Variants in MYO3A observed in about 807,000 individuals in gnomAD.
MYO3A encodes the protein myosin IIIA, also known as myosin-IIIa.
Under a neutral mutation model 192.7 loss-of-function variants are expected in MYO3A, and 180 were observed. The ratio of observed to expected loss-of-function variants is 0.93; its 90% CI spans 0.83 to 1.06. MYO3A has a LOEUF of 1.06. MYO3A is among the 50% of genes least tolerant of loss of function. MYO3A has a pLI of 0.00. For synonymous variants in MYO3A, 628 were observed against 645.3 expected, an observed-to-expected ratio of 0.97 and a Z score of 0.41; for missense variants, 1,896 against 1,905.0, an observed-to-expected ratio of 1.00 and a Z score of 0.09.
At position 26,131,345 on chromosome 10, in the gene MYO3A, A is replaced by G. The variant is rs959749860; in HGVS notation, c.2262+2807A>G. On this transcript the variant is annotated intron_variant, in intron 20 of 34. Coordinates refer to ENST00000642920, the MANE Select transcript of MYO3A (RefSeq NM_017433.5). ...TAAAAAAAGATCAAGAAACTACAGT[A>G]AAACATTTTTTTGTGAAAGAATTTA... Among the ~76,000 whole-genome samples the G allele has an allele frequency of 5.5e-4, 47 of 85,244 alleles. 1 individual carries two copies. Among genetic ancestry groups the G allele is most frequent in the Admixed American group, 2.4e-3 (22 of 9,206 alleles). 55.9% of individuals were successfully genotyped at this position (85,244 alleles called of 152,430 possible).
intron 14 of MYO3A, 24 bp from the exon 15 acceptor site, chr10:26,088,179 A>T: frequency 6.6e-7 from 1 of 1,520,780 alleles, no homozygotes; most frequent in Non-Finnish European, 8.9e-7. Context: ...TGTTTTTAAA[A>T]ATATCTTAAT....
chr10:26,017,643 T>C (rs1349275125), intron 7 of MYO3A, among the ~76,000 whole-genome samples: 1 of 152,000 alleles, frequency 6.6e-6, no homozygotes, highest in African/African-American at 2.4e-5. Flanking sequence ...GTATGCTGTT[T>C]TTATTTGAAT....
chr10:26,165,335 C>T (rs1028431931), intron 26 of MYO3A, among the ~76,000 whole-genome samples: 4 of 152,064 alleles, frequency 2.6e-5, no homozygotes, highest in Admixed American at 6.6e-5. Flanking sequence ...AATCTTGCAC[C>T]AATAAATTAA....
chr10:25,993,676 T>G (rs1197885084), intron 4 of MYO3A, among the ~76,000 whole-genome samples: 2 of 152,260 alleles, frequency 1.3e-5, no homozygotes, highest in African/African-American at 4.8e-5. Context: ...CTCTACACAC[T>G]GCTTTAAATG....
intron 11 of MYO3A, 90 bp downstream of exon 11, chr10:26,067,164 T>A (rs938460393): frequency 8.3e-6 from 7 of 840,566 alleles, no homozygotes; most frequent in Middle Eastern, 4.6e-4. Context: ...GGAAGGAATA[T>A]ATAGATTATG....
chr10:26,202,081 TCTC>T (rs1319115537), intron 33 of MYO3A, among the ~76,000 whole-genome samples: 1 of 152,228 alleles, frequency 6.6e-6, no homozygotes, highest in Non-Finnish European at 1.5e-5. Flanking sequence ...TTCACATTAT[TCTC>T]CTTTTCTTAT....
intron 23 of MYO3A, among the ~76,000 whole-genome samples, chr10:26,152,891 A>G (rs1840881609): frequency 6.6e-6 from 1 of 152,058 alleles, no homozygotes; most frequent in African/African-American, 2.4e-5. Flanking sequence ...TGCCAGGCAC[A>G]CTCCCATCAT....
At chr10:26,203,320 ATCTGT>A (rs1843763125) in intron 34 of MYO3A, among the ~76,000 whole-genome samples, 1 of 152,122 alleles carries the variant, frequency 6.6e-6, no homozygotes, top group Admixed American at 6.6e-5. Flanking sequence ...CTGAGTTTTT[ATCTGT>A]TTTCTTGGAG....
chr10:25,996,918 C>T (rs1302336208), intron 5 of MYO3A, among the ~76,000 whole-genome samples: 2 of 152,106 alleles, frequency 1.3e-5, no homozygotes, highest in African/African-American at 2.4e-5. Context: ...CATTGAAACT[C>T]ACACATTTGT....
At position 25,951,224 on chromosome 10, in the gene MYO3A, T is replaced by C. The variant is rs149784251; in HGVS notation, c.-17-870T>C. ...GTGATATTATTGATAATATTGATAA[T>C]GATATCAATAAATGGTCTCATTGGC... is the stretch of plus-strand genomic sequence containing the variant. On this transcript the variant is annotated intron_variant, in intron 2 of 34. Coordinates refer to ENST00000642920, the MANE Select transcript of MYO3A (RefSeq NM_017433.5). Among the ~76,000 whole-genome samples the C allele has an allele frequency of 2.1e-3, 324 of 152,270 alleles. 2 individuals carry two copies. The highest frequency in any genetic ancestry group is 7.5e-3 in the African/African-American group (313 of 41,540).
intron 10 of MYO3A, among the ~76,000 whole-genome samples, chr10:26,062,605 A>C (rs1401809383): frequency 1.3e-5 from 2 of 151,420 alleles, no homozygotes; most frequent in African/African-American, 4.9e-5. Flanking sequence ...ACTTTTTTTT[A>C]ATATCAGAAA....
intron 23 of MYO3A, 55 bp from the exon 24 acceptor site, chr10:26,153,795 C>G: frequency 8.7e-7 from 1 of 1,151,256 alleles, no homozygotes; most frequent in Non-Finnish European, 1.3e-6. Context: ...TGGGAAAAAT[C>G]ATCTAGCCAT....
At chr10:26,150,222 A>G (rs1375156312) in intron 23 of MYO3A, among the ~76,000 whole-genome samples, 1 of 152,158 alleles carries the variant, frequency 6.6e-6, no homozygotes, top group East Asian at 1.9e-4. Context: ...CTTTTTATAT[A>G]TTGCTGAATT....
chr10:26,120,554 C>G (rs552784157), intron 17 of MYO3A, 122 bp from the exon 18 acceptor site: 7 of 1,307,810 alleles, frequency 5.4e-6, no homozygotes, highest in South Asian at 3.6e-5. Flanking sequence ...GTGGCGTCAT[C>G]ATAGTCTGTG....
intron 4 of MYO3A, among the ~76,000 whole-genome samples, chr10:25,957,038 A>C (rs930653327): frequency 5.9e-5 from 9 of 152,182 alleles, no homozygotes; most frequent in Non-Finnish European, 1.2e-4. Context: ...GGCTCCAATC[A>C]TGTTCCTGCA....
chr10:25,950,509 A>G (rs1837142480), intron 2 of MYO3A, among the ~76,000 whole-genome samples: 1 of 152,180 alleles, frequency 6.6e-6, no homozygotes, highest in East Asian at 1.9e-4. Flanking sequence ...TCAATGTGTT[A>G]TCCTGAATTT....
At chr10:26,182,080 C>T (rs1208549064) in intron 31 of MYO3A, among the ~76,000 whole-genome samples, 2 of 152,110 alleles carry the variant, frequency 1.3e-5, no homozygotes, top group East Asian at 1.9e-4. Context: ...TTCACATACG[C>T]GAGGTGGTTC....
chr10:25,997,206 A>C lies in MYO3A; in HGVS notation c.456A>C (p.Lys152Asn). ...HNNKTIHRDV[K>N]GNNILLTTEG... is the part of the protein sequence containing the mutation. ...ACAAAACTATCCACAGAGATGTGAA[A>C]GGCAATAACATTCTATTGACCACGG... Residue 152 changes from lysine to asparagine, a missense_variant, in exon 6 of 35, where the codon AAA (lysine) becomes AAC (asparagine). Coordinates refer to ENST00000642920, the MANE Select transcript of MYO3A (RefSeq NM_017433.5). 6.2e-7 allele frequency: 1 copy of C among 1,613,660 alleles called. No homozygotes were observed. The highest frequency in any genetic ancestry group is 8.5e-7 in the Non-Finnish European group (1 of 1,179,708).
At chr10:26,098,628 A>T (rs1837220759) in intron 17 of MYO3A, among the ~76,000 whole-genome samples, 2 of 152,248 alleles carry the variant, frequency 1.3e-5, no homozygotes, top group African/African-American at 2.4e-5. Flanking sequence ...CTTTCTACAT[A>T]TGGCTAGCCA....
Sources: allele counts gnomAD v4.1 joint callset (sites outside exome capture counted in the v4.1 genomes callset), GRCh38; gene constraint gnomAD v4.1.1; transcripts MANE v1.5; gene names NCBI Gene and HGNC (gene_info 2026-07-23, HGNC 2026-07-21).